ORC3: variants seen among roughly 807,000 people sequenced by gnomAD.
ORC3 encodes origin recognition complex subunit 3, also known as homolog of latheo, Drosophila.
In ORC3, 78 loss-of-function variants were observed where a neutral mutation model predicts 100.7. That is an observed-to-expected ratio of 0.77 (90% CI 0.65 to 0.94). ORC3 has a LOEUF of 0.94. Among genes scored for constraint, ORC3 ranks in the 40% least tolerant of loss-of-function variants. The probability of loss-of-function intolerance (pLI) is 0.00; values close to 1 mark genes in which losing one functional copy is unlikely to be tolerated. For synonymous variants in ORC3, 295 were observed against 289.3 expected, an observed-to-expected ratio of 1.02 and a Z score of -0.20; for missense variants, 789 against 823.9, an observed-to-expected ratio of 0.96 and a Z score of 0.52.
chr6:87,598,159 G>A (rs559189125), intron 2 of ORC3, among the ~76,000 whole-genome samples: 1 of 152,200 alleles, frequency 6.6e-6, no homozygotes, highest in South Asian at 2.1e-4. Context: ...CCTCAGCTAG[G>A]ACTACAGGCT....
intron 13 of ORC3, among the ~76,000 whole-genome samples, chr6:87,648,200 AAAAACAAAACAAAAC>A (rs373640665): frequency 6.6e-6 from 1 of 152,100 alleles, no homozygotes; most frequent in South Asian, 2.1e-4. Flanking sequence ...ACTCTGCCTC[AAAAACAAAACAAAAC>A]AAAACAAAAC....
chr6:87,594,643 A>G, intron 2 of ORC3: 1 of 904,558 alleles, frequency 1.1e-6, no homozygotes, highest in Non-Finnish European at 1.4e-6. Context: ...CCTTCAAAGG[A>G]TATGCTGCTA....
intron 13 of ORC3, among the ~76,000 whole-genome samples, 167 bp downstream of exon 13, chr6:87,636,653 T>A (rs778933013): frequency 9.9e-5 from 15 of 152,256 alleles, no homozygotes; most frequent in Non-Finnish European, 1.9e-4. Flanking sequence ...ATGATGTTTT[T>A]AATATAGCAA....
rs139108147 is a variant in ORC3, at chr6:87,636,446, T to C, written c.1342T>C (p.Trp448Arg). Residue 448 changes from tryptophan (W) to arginine (R), a missense_variant, in exon 13 of 20, where the codon TGG becomes CGG. By Grantham distance (101) the Trp-to-Arg change is moderately radical. Coordinates refer to ENST00000392844, the MANE Select transcript of ORC3 (RefSeq NM_012381.4). The part of the protein sequence containing the change: ...LYCTCLEKNI[W>R]DSEEYASVLQ... ...CTGTACATGTTTAGAAAAGAACATA[T>C]GGGATTCAGAGGAGTATGCATCAGT... is the stretch of plus-strand genomic sequence containing the variant. 32 of 1,612,452 alleles carry C rather than the reference T, an allele frequency of 2.0e-5. No homozygotes were observed. Among genetic ancestry groups the C allele is most frequent in the African/African-American group, 1.6e-4 (12 of 74,900 alleles).
At chr6:87,672,866 G>C in the ORC3 span, among the ~76,000 whole-genome samples, 66 of 151,836 alleles carry the variant, frequency 4.3e-4, 1 homozygote, top group Admixed American at 4.2e-3. Context: ...ATGTGCACTT[G>C]TTAAAGATTT....
rs781589071 is a variant in ORC3 at position 87,609,124 on chromosome 6, A to G, written c.608A>G (p.Lys203Arg). The G allele has an allele frequency of 6.2e-7, 1 of 1,603,428 alleles. No individual in the cohort carries two copies. Among genetic ancestry groups the G allele is most frequent in the South Asian group, 1.1e-5 (1 of 88,448 alleles). ...ACGGACCCAAAAATGCTAAGCAAAA[A>G]AAGGACTACTTCTAGCCAATGGCAG... The part of the protein sequence containing the change: ...QKTDPKMLSK[K>R]RTTSSQWQSP... Residue 203 changes from lysine to arginine, a missense_variant, in exon 7 of 20, where the codon AAA becomes AGA. Coordinates refer to ENST00000392844, the MANE Select transcript of ORC3 (RefSeq NM_012381.4).
downstream of ORC3, among the ~76,000 whole-genome samples, chr6:87,670,404 G>A (rs866019537): frequency 7.9e-5 from 12 of 152,152 alleles, no homozygotes; most frequent in South Asian, 4.2e-4. Context: ...GGGCTCAAGC[G>A]ATCCACCCAC....
chr6:87,600,921 A>T (rs1226781241), intron 2 of ORC3, among the ~76,000 whole-genome samples: 1 of 152,206 alleles, frequency 6.6e-6, no homozygotes, highest in African/African-American at 2.4e-5. Flanking sequence ...TGTATTCCTT[A>T]ATGTGGATTA....
rs1276753304 is a variant in ORC3, at chr6:87,621,963, C to G, written c.1135C>G (p.Gln379Glu). Residue 379 changes from glutamine (Q) to glutamate (E), a missense_variant, in exon 11 of 20, where the codon CAA (glutamine) becomes GAA (glutamate). By Grantham distance (29) the Gln-to-Glu change is conservative. This residue lies in a region of ORC3 where 366 missense variants were observed against 394.2 expected (regional missense o/e 0.93). Coordinates refer to ENST00000392844, the MANE Select transcript of ORC3 (RefSeq NM_012381.4). ...TGAAAATTCTAGGTACGTGGAAAAGCAAGCTTCAGAAAAGCAAGTTGCGCT... is the reference window on the plus strand; with the variant it reads ...TGAAAATTCTAGGTACGTGGAAAAGGAAGCTTCAGAAAAGCAAGTTGCGCT... ...LPSFRRYVEK[Q>E]ASEKQVALLT... The G allele has an allele frequency of 1.9e-6, 3 of 1,605,460 alleles. No homozygotes were observed. The Admixed American group carries it at 5.1e-5, about 27-fold the overall frequency.
chr6:87,618,750 AAGT>A (rs1779336347), intron 9 of ORC3, among the ~76,000 whole-genome samples: 1 of 152,104 alleles, frequency 6.6e-6, no homozygotes, highest in Admixed American at 6.6e-5. Context: ...CCTAGTGACT[AAGT>A]AGGTCATAGG....
intron 14 of ORC3, among the ~76,000 whole-genome samples, chr6:87,655,972 T>A (rs185650003): frequency 7.9e-5 from 12 of 152,324 alleles, no homozygotes; most frequent in Admixed American, 7.8e-4. Flanking sequence ...CAATGCATAT[T>A]CTCCAGCTGC....
In ORC3 at chr6:87,656,994, C is replaced by G; in HGVS notation, c.1593+12C>G. 1 of 1,541,812 alleles carries G rather than the reference C, an allele frequency of 6.5e-7. No homozygotes were observed. Reference sequence around the variant, plus strand: ...ATCATCTTCAGAAGGTCAGGTCACTCTCTTCCCTTCCAGCTGCATCCTGTG... The same window carrying G: ...ATCATCTTCAGAAGGTCAGGTCACTGTCTTCCCTTCCAGCTGCATCCTGTG... On this transcript the variant is annotated intron_variant, in intron 15 of 19. Coordinates refer to ENST00000392844, the MANE Select transcript of ORC3 (RefSeq NM_012381.4).
At chr6:87,633,079 A>G (rs975266560) in intron 11 of ORC3, among the ~76,000 whole-genome samples, 3 of 152,294 alleles carry the variant, frequency 2.0e-5, no homozygotes, top group Non-Finnish European at 4.4e-5. Context: ...TTATCCAAGT[A>G]AATGGAATGA....
chr6:87,619,451 G>A (rs1779384329), intron 9 of ORC3, among the ~76,000 whole-genome samples: 1 of 152,208 alleles, frequency 6.6e-6, no homozygotes, highest in South Asian at 2.1e-4. Flanking sequence ...CTGTCGCCCA[G>A]GCTGGAGTGC....
chr6:87,676,802 C>T, the ORC3 span, among the ~76,000 whole-genome samples: 2 of 149,726 alleles, frequency 1.3e-5, no homozygotes, highest in South Asian at 4.2e-4. Flanking sequence ...ATTGGCCGGG[C>T]ATGGTGGCTT....
intron 16 of ORC3, among the ~76,000 whole-genome samples, chr6:87,659,313 C>T (rs13191322): frequency 3.8e-4 from 58 of 151,850 alleles, no homozygotes; most frequent in African/African-American, 1.2e-3. Context: ...CCACCCACCT[C>T]GGCTTCCCAA....
At chr6:87,635,728 C>T (rs1392601037) in intron 12 of ORC3, among the ~76,000 whole-genome samples, 8 of 151,440 alleles carry the variant, frequency 5.3e-5, no homozygotes, top group African/African-American at 1.5e-4. Flanking sequence ...ACCTGGGAGG[C>T]GGAGGTTGCA....
At chr6:87,669,322 C>T (rs568620164), downstream of ORC3, among the ~76,000 whole-genome samples, 26 of 152,294 alleles carry the variant, frequency 1.7e-4, no homozygotes, top group African/African-American at 5.8e-4. Flanking sequence ...CAATGACCAG[C>T]GTAGGTAGTT....
chr6:87,655,277 C>G (rs1311190155), intron 14 of ORC3, among the ~76,000 whole-genome samples: 1 of 151,846 alleles, frequency 6.6e-6, no homozygotes, highest in Non-Finnish European at 1.5e-5. Context: ...CTCAGACCTC[C>G]TGGGCTCAAG....
Sources: gnomAD v4.1 joint callset for allele counts (sites outside exome capture counted in the v4.1 genomes callset) on GRCh38, gnomAD v4.1.1 for gene constraint, gnomAD v4.1.1 regional missense constraint, MANE v1.5 for transcripts, NCBI Gene and HGNC (gene_info 2026-07-23, HGNC 2026-07-21) for gene names.